The following C4orf51 variants were observed in gnomAD, a reference collection of about 807,000 sequenced individuals.
C4orf51 encodes chromosome 4 open reading frame 51.
A neutral mutation model predicts 25.2 loss-of-function variants in C4orf51; 25 were observed. That is an observed-to-expected ratio of 0.99 (90% CI 0.72 to 1.39). The LOEUF (loss-of-function observed/expected upper bound fraction) is 1.39. Among genes scored for constraint, C4orf51 ranks in the 40% most tolerant of loss-of-function variants. The pLI, the probability that C4orf51 is intolerant of heterozygous loss-of-function variation, is 0.00. For missense variants in C4orf51, 252 were observed against 239.6 expected (o/e 1.05, Z -0.34); for synonymous variants, 100 against 84.5 (o/e 1.18, Z -1.01).
At chr4:145,774,294 G>C (rs1186347353), downstream of C4orf51, among the ~76,000 whole-genome samples, 1 of 152,180 alleles carries the variant, frequency 6.6e-6, no homozygotes, top group Non-Finnish European at 1.5e-5. Flanking sequence ...CTGAACTTGG[G>C]AGTCTTTCAG....
chr4:145,689,737 T>C (rs889992687), intron 1 of C4orf51, among the ~76,000 whole-genome samples: 31 of 152,134 alleles, frequency 2.0e-4, no homozygotes, highest in African/African-American at 7.5e-4. Flanking sequence ...AACAGATCTT[T>C]GAAAAAGTCA....
downstream of C4orf51, among the ~76,000 whole-genome samples, chr4:145,755,604 G>T (rs1733891312): frequency 2.1e-5 from 2 of 95,188 alleles, no homozygotes; most frequent in Non-Finnish European, 4.3e-5. Flanking sequence ...ACTTCATAAA[G>T]AAGAAGAGGC....
intron 1 of C4orf51, among the ~76,000 whole-genome samples, chr4:145,687,700 C>T (rs535075920): frequency 3.3e-5 from 5 of 152,120 alleles, no homozygotes; most frequent in Non-Finnish European, 7.3e-5. Flanking sequence ...CAGAAACAAA[C>T]TCTGGAGTGA....
chr4:145,697,243 G>T (rs528543092), intron 2 of C4orf51, among the ~76,000 whole-genome samples: 2 of 151,874 alleles, frequency 1.3e-5, no homozygotes, highest in Admixed American at 1.3e-4. Context: ...GGGATTACAG[G>T]CACCTGCCAC....
chr4:145,752,859 T>C (rs1379100805), intron 1 of C4orf51, among the ~76,000 whole-genome samples: 2 of 152,212 alleles, frequency 1.3e-5, no homozygotes, highest in Non-Finnish European at 2.9e-5. Flanking sequence ...CTGTTCTAAA[T>C]GCTGCCAGCA....
chr4:145,727,933 A>G (rs1294504592), intron 3 of C4orf51, among the ~76,000 whole-genome samples: 1 of 86,980 alleles, frequency 1.1e-5, no homozygotes, highest in Non-Finnish European at 2.0e-5. Flanking sequence ...AAAATATATT[A>G]TATATATACA....
At position 145,765,764 on chromosome 4, in the gene C4orf51, C is replaced by G. The variant is rs1388689587; in HGVS notation, n.167-5224C>G. 6.2e-7 allele frequency: 1 copy of G among 1,604,522 alleles called. No homozygotes were observed. The highest frequency in any genetic ancestry group is 8.5e-7 in the Non-Finnish European group (1 of 1,174,854). On this transcript the variant is annotated intron_variant and non_coding_transcript_variant, in intron 1 of 1. Coordinates refer to the C4orf51 transcript ENST00000510096. This position sits in a 1 kb window ranked among gnomAD's most constrained non-coding sequence, Gnocchi z 4.7. ...CTGAAAAATAAGCAAATAACCCAGT[C>G]TGTTAATGAGATGAAAATCCTCAGA...
chr4:145,722,950 G>T (rs917863395), intron 2 of C4orf51, among the ~76,000 whole-genome samples: 1 of 152,260 alleles, frequency 6.6e-6, no homozygotes, highest in South Asian at 2.1e-4. Context: ...CCCCAGATGA[G>T]ACCATCTAAT....
At chr4:145,728,021 AATAT>A (rs1159608582) in intron 3 of C4orf51, among the ~76,000 whole-genome samples, 1 of 125,592 alleles carries the variant, frequency 8.0e-6, no homozygotes, top group Admixed American at 9.8e-5. Context: ...GTGTATATAT[AATAT>A]ATATTATATA....
At chr4:145,733,440 C>T (rs1178608017), downstream of C4orf51, among the ~76,000 whole-genome samples, 1 of 152,194 alleles carries the variant, frequency 6.6e-6, no homozygotes, top group East Asian at 1.9e-4. Flanking sequence ...CGTCTAGGCC[C>T]GCGAAGGGCC....
chr4:145,715,413 G>A (rs1215927507), intron 2 of C4orf51, among the ~76,000 whole-genome samples: 6 of 152,122 alleles, frequency 3.9e-5, no homozygotes, highest in Non-Finnish European at 7.4e-5. Context: ...GAGGAGCCAG[G>A]CACTCACTCA....
intron 1 of C4orf51, among the ~76,000 whole-genome samples, chr4:145,693,823 G>A (rs1197864153): frequency 7.2e-5 from 3 of 41,882 alleles, no homozygotes; most frequent in African/African-American, 9.4e-5. Context: ...GGACGGGGCG[G>A]CTGGCCGGGC....
At chr4:145,772,828 A>G (rs1467430490), downstream of C4orf51, among the ~76,000 whole-genome samples, 1 of 152,250 alleles carries the variant, frequency 6.6e-6, no homozygotes, top group Admixed American at 6.5e-5. Context: ...CTGCTAGACA[A>G]TGAGCCCTGA....
chr4:145,709,506 T>C (rs937605958), intron 2 of C4orf51, among the ~76,000 whole-genome samples: 2 of 152,224 alleles, frequency 1.3e-5, no homozygotes, highest in Admixed American at 1.3e-4. Flanking sequence ...TTTGTTGCCA[T>C]GCCAATGCAG....
intron 1 of C4orf51, among the ~76,000 whole-genome samples, chr4:145,750,356 A>G (rs1476552160): frequency 7.9e-6 from 1 of 126,858 alleles, no homozygotes; most frequent in Admixed American, 7.9e-5. Flanking sequence ...AAAAATCTTT[A>G]TTTCTCCTTC....
chr4:145,756,510 G>A (rs772532462), downstream of C4orf51, among the ~76,000 whole-genome samples: 36 of 152,086 alleles, frequency 2.4e-4, no homozygotes, highest in Non-Finnish European at 4.9e-4. Flanking sequence ...GTCACTGAAG[G>A]CCCATTTCTG....
chr4:145,792,404 AT>A, the C4orf51 span, among the ~76,000 whole-genome samples: 1,743 of 152,226 alleles, frequency 0.011, 41 homozygotes, highest in African/African-American at 0.04. Context: ...AAGAAATGGC[AT>A]TACTACTGTC....
downstream of C4orf51, among the ~76,000 whole-genome samples, chr4:145,755,900 G>C (rs1733911948): frequency 6.6e-6 from 1 of 152,162 alleles, no homozygotes; most frequent in African/African-American, 2.4e-5. Context: ...TTGTGATTTT[G>C]CTCACAGGTT....
intron 1 of C4orf51, among the ~76,000 whole-genome samples, chr4:145,747,001 A>G (rs1733403283): frequency 1.3e-5 from 2 of 151,880 alleles, no homozygotes; most frequent in Non-Finnish European, 2.9e-5. Flanking sequence ...TTTCTTTTTC[A>G]GACTGTTTGC....
Sources: allele counts gnomAD v4.1 joint callset (sites outside exome capture counted in the v4.1 genomes callset), GRCh38; gene constraint gnomAD v4.1.1; non-coding constraint Gnocchi (gnomAD v3.1); transcripts MANE v1.5; gene names NCBI Gene and HGNC (gene_info 2026-07-23, HGNC 2026-07-21).